Variants in ZNF280D observed in about 807,000 individuals in gnomAD.
ZNF280D encodes suppressor of hairy wing homolog 4.
A neutral mutation model predicts 94.7 loss-of-function variants in ZNF280D; 39 were observed. The ratio of observed to expected loss-of-function variants is 0.41; its 90% CI spans 0.32 to 0.54. ZNF280D has a LOEUF of 0.54. Among genes scored for constraint, ZNF280D ranks in the 20% least tolerant of loss-of-function variants. The pLI is 0.22. For missense variants in ZNF280D, 1,090 were observed against 1,149.3 expected (o/e 0.95, Z 0.75); for synonymous variants, 398 against 377.6 (o/e 1.05, Z -0.63).
chr15:56,689,940 C>T (rs1398823115), intron 7 of ZNF280D, among the ~76,000 whole-genome samples: 1 of 152,100 alleles, frequency 6.6e-6, no homozygotes, highest in Non-Finnish European at 1.5e-5. Flanking sequence ...CTTAAAATGT[C>T]TAATGGAAAT....
intron 19 of ZNF280D, among the ~76,000 whole-genome samples, chr15:56,646,050 T>C (rs1421628410): frequency 6.6e-6 from 1 of 152,146 alleles, no homozygotes; most frequent in Non-Finnish European, 1.5e-5. Flanking sequence ...AATGTAATCT[T>C]TAAGAATATT....
intron 1 of ZNF280D, among the ~76,000 whole-genome samples, chr15:56,722,235 T>C (rs2058405676): frequency 6.6e-6 from 1 of 152,062 alleles, no homozygotes; most frequent in Admixed American, 6.6e-5. Context: ...GAAATCACCA[T>C]AACAAATATA....
intron 1 of ZNF280D, among the ~76,000 whole-genome samples, chr15:56,724,303 T>C (rs1272382611): frequency 6.6e-6 from 1 of 152,214 alleles, no homozygotes; most frequent in African/African-American, 2.4e-5. Context: ...TTTCATTCTG[T>C]CATTTACCAA....
chr15:56,710,874 A>T (rs1296248396), intron 1 of ZNF280D, among the ~76,000 whole-genome samples: 1 of 152,176 alleles, frequency 6.6e-6, no homozygotes, highest in East Asian at 1.9e-4. Flanking sequence ...GAAAAAAATT[A>T]AGCAATTTCA....
At chr15:56,703,102 T>C (rs2057183703) in intron 4 of ZNF280D, among the ~76,000 whole-genome samples, 2 of 152,154 alleles carry the variant, frequency 1.3e-5, no homozygotes, top group Non-Finnish European at 2.9e-5. Context: ...CATTTTTGAG[T>C]GGACATTTTA....
intron 1 of ZNF280D, among the ~76,000 whole-genome samples, chr15:56,717,791 T>C (rs1478964170): frequency 1.3e-5 from 2 of 152,110 alleles, no homozygotes; most frequent in Non-Finnish European, 2.9e-5. Flanking sequence ...ATCCAGGCAC[T>C]TCTAAGGCTG....
intron 1 of ZNF280D, among the ~76,000 whole-genome samples, chr15:56,711,937 T>C (rs769864830): frequency 3.3e-5 from 5 of 152,232 alleles, no homozygotes; most frequent in African/African-American, 1.2e-4. Context: ...AGCATGTTAC[T>C]GTACTGAATA....
At chr15:56,722,654 G>A (rs1342184654) in intron 1 of ZNF280D, among the ~76,000 whole-genome samples, 1 of 152,184 alleles carries the variant, frequency 6.6e-6, no homozygotes, top group Non-Finnish European at 1.5e-5. Context: ...TTCAACCATT[G>A]TGGAAGTCAG....
intron 3 of ZNF280D, 130 bp downstream of exon 3, chr15:56,706,952 C>T: frequency 1.3e-6 from 1 of 787,202 alleles, no homozygotes; most frequent in Non-Finnish European, 2.1e-6. Context: ...TTTATGTGAA[C>T]ATTTGTTACT....
intron 17 of ZNF280D, among the ~76,000 whole-genome samples, chr15:56,655,575 TAGTTATCA>T (rs1426306880): frequency 1.3e-5 from 2 of 152,240 alleles, no homozygotes; most frequent in Admixed American, 1.3e-4. Flanking sequence ...AACAATTCCC[TAGTTATCA>T]ATACTTTATT....
chr15:56,631,496 T>C lies in ZNF280D; in HGVS notation c.*2A>G. 6.2e-7 allele frequency: 1 copy of C among 1,610,202 alleles called. No individual in the cohort carries two copies. Among genetic ancestry groups the C allele is most frequent in the Non-Finnish European group, 8.5e-7 (1 of 1,176,920 alleles). ...GTACACTGAAACTTAAAATGACTAA[T>C]TTCAACTTCTTTCTTTTTCGTCTTC... On this transcript the variant is annotated 3_prime_UTR_variant, in exon 22 of 22. Transcript: ENST00000267807.
intron 19 of ZNF280D, among the ~76,000 whole-genome samples, chr15:56,651,702 T>C (rs1351787149): frequency 6.6e-6 from 1 of 152,162 alleles, no homozygotes; most frequent in Non-Finnish European, 1.5e-5. Context: ...AGATCACTTA[T>C]ACAATGTAAA....
intron 19 of ZNF280D, chr15:56,645,487 A>G (rs1489656539): frequency 1.3e-5 from 2 of 152,160 alleles, no homozygotes; most frequent in African/African-American, 2.4e-5. Context: ...TTTTCCCTCT[A>G]AAGACTAAAA....
intron 4 of ZNF280D, 28 bp from the exon 5 acceptor site, chr15:56,701,266 T>C: frequency 1.5e-6 from 2 of 1,377,712 alleles, no homozygotes; most frequent in African/African-American, 2.9e-5. Context: ...TATTTTAAAA[T>C]ACATTGTTTG....
chr15:56,658,590 G>C (rs561149191), intron 16 of ZNF280D, 104 bp from the exon 17 acceptor site: 1 of 735,242 alleles, frequency 1.4e-6, no homozygotes, highest in Non-Finnish European at 2.1e-6. Context: ...TGTAATAAAA[G>C]ATTATAATGT....
chr15:56,666,250 C>A, intron 16 of ZNF280D, 145 bp downstream of exon 16: 2 of 694,230 alleles, frequency 2.9e-6, no homozygotes, highest in South Asian at 4.0e-5. Context: ...TAGGACCAGG[C>A]AATATCCTAA....
chr15:56,683,327 G>T (rs2055767518), intron 9 of ZNF280D, among the ~76,000 whole-genome samples: 1 of 152,018 alleles, frequency 6.6e-6, no homozygotes, highest in South Asian at 2.1e-4. Flanking sequence ...AAACAAATAA[G>T]CACCTTAAGA....
intron 19 of ZNF280D, chr15:56,653,660 G>C: frequency 7.2e-7 from 1 of 1,385,524 alleles, no homozygotes; most frequent in Non-Finnish European, 9.3e-7. Flanking sequence ...CAATTATCTG[G>C]CCTAAAACTT....
In ZNF280D at chr15:56,666,464, G is replaced by A. The variant is rs751081566; in HGVS notation, c.1925C>T (p.Thr642Met). The A allele has an allele frequency of 3.1e-6, 5 of 1,601,356 alleles. No individual in the cohort carries two copies. Among genetic ancestry groups the A allele is most frequent in the Admixed American group, 1.8e-5 (1 of 56,048 alleles). Reference sequence around the variant, plus strand: ...TCTGCAAAAACTACAGTGGACGTACGTAGGAAAGTGGTTTGCAAAATCTTT... The same window carrying A: ...TCTGCAAAAACTACAGTGGACGTACATAGGAAAGTGGTTTGCAAAATCTTT... ...EIKDFANHFPTYVHCSFCRYN... is the reference protein window; with the variant it reads ...EIKDFANHFPMYVHCSFCRYN... Residue 642 changes from threonine (T) to methionine (M), a missense_variant, in exon 16 of 22, where the codon ACG (threonine) becomes ATG (methionine). Physicochemically the swap from Thr to Met is moderately conservative, Grantham distance 81 (BLOSUM62 -1). Transcript: ENST00000267807.
Sources: allele counts gnomAD v4.1 joint callset (sites outside exome capture counted in the v4.1 genomes callset), GRCh38; gene constraint gnomAD v4.1.1; transcripts MANE v1.5; gene names NCBI Gene and HGNC (gene_info 2026-07-23, HGNC 2026-07-21).